BLTP3A: variants seen among roughly 807,000 people sequenced by gnomAD.
BLTP3A encodes the protein ICBP90 binding protein 1.
the BLTP3A span, chr6:34,834,418 A>G: frequency 6.2e-7 from 1 of 1,612,154 alleles, no homozygotes; most frequent in Non-Finnish European, 8.5e-7. Flanking sequence ...TGACAGCCCC[A>G]TCATTGTGAA....
At chr6:34,825,300 CTTTTTTCTTTT>C in the BLTP3A span, among the ~76,000 whole-genome samples, 19 of 151,278 alleles carry the variant, frequency 1.3e-4, no homozygotes, top group African/African-American at 3.6e-4. Context: ...GGCCTCTTTT[CTTTTTTCTTTT>C]TTTTTTCTTT....
At chr6:34,812,046 A>C in the BLTP3A span, among the ~76,000 whole-genome samples, 1 of 151,514 alleles carries the variant, frequency 6.6e-6, no homozygotes, top group Non-Finnish European at 1.5e-5. Flanking sequence ...AAAAAGAGTT[A>C]AGCCAGGCAC....
At chr6:34,858,824 C>T in the BLTP3A span, 192 of 1,614,100 alleles carry the variant, frequency 1.2e-4, no homozygotes, top group South Asian at 1.3e-3. Flanking sequence ...GTACATTCCC[C>T]GGCCCATGTC....
At chr6:34,868,076 G>A in the BLTP3A span, among the ~76,000 whole-genome samples, 66 of 152,174 alleles carry the variant, frequency 4.3e-4, no homozygotes, top group African/African-American at 1.4e-3. Context: ...GGAGGCTGAG[G>A]TGGGTGGATC....
At chr6:34,815,362 G>C in the BLTP3A span, among the ~76,000 whole-genome samples, 1 of 151,908 alleles carries the variant, frequency 6.6e-6, no homozygotes, top group Admixed American at 6.6e-5. Context: ...TGATTCTCCT[G>C]CCTCAGCCTC....
At chr6:34,845,716 C>G in the BLTP3A span, among the ~76,000 whole-genome samples, 1 of 152,058 alleles carries the variant, frequency 6.6e-6, no homozygotes, top group Non-Finnish European at 1.5e-5. Flanking sequence ...CCTGCCTCAG[C>G]CTCCTGAGTA....
At chr6:34,835,223 T>G in the BLTP3A span, 1 of 1,521,342 alleles carries the variant, frequency 6.6e-7, no homozygotes, top group East Asian at 2.3e-5. Flanking sequence ...TGAAACTGAT[T>G]GGGCAACAGT....
chr6:34,859,744 C>T, the BLTP3A span, among the ~76,000 whole-genome samples: 1 of 152,112 alleles, frequency 6.6e-6, no homozygotes, highest in Admixed American at 6.6e-5. Flanking sequence ...TTTATTGCTT[C>T]TTAGAATCAG....
At chr6:34,858,902 A>G in the BLTP3A span, 31 of 1,614,032 alleles carry the variant, frequency 1.9e-5, 1 homozygote, top group Middle Eastern at 3.3e-4. Context: ...CAGAGGCTTC[A>G]GGAGCAGCTG....
the BLTP3A span, among the ~76,000 whole-genome samples, chr6:34,806,482 C>T: frequency 6.6e-6 from 1 of 152,188 alleles, no homozygotes; most frequent in Non-Finnish European, 1.5e-5. Context: ...TCATTTTGCA[C>T]AGTCTTTGCC....
the BLTP3A span, chr6:34,834,625 G>C: frequency 1.3e-6 from 2 of 1,485,910 alleles, no homozygotes; most frequent in Non-Finnish European, 1.8e-6. Context: ...GAGAGTGCTG[G>C]GAGTCTCTGC....
chr6:34,816,165 C>G, the BLTP3A span, among the ~76,000 whole-genome samples: 64 of 152,272 alleles, frequency 4.2e-4, no homozygotes, highest in Non-Finnish European at 7.6e-4. Context: ...ATACTTAGCA[C>G]TTACTTAGTA....
At chr6:34,856,266 A>T in the BLTP3A span, 1 of 1,614,106 alleles carries the variant, frequency 6.2e-7, no homozygotes, top group Non-Finnish European at 8.5e-7. Flanking sequence ...TGGGTACGCC[A>T]CTGTGAGGCC....
At chr6:34,871,173 C>A in the BLTP3A span, 1 of 1,553,706 alleles carries the variant, frequency 6.4e-7, no homozygotes, top group Non-Finnish European at 8.7e-7. Flanking sequence ...TTGCCCTGGA[C>A]TTTGTCAAGC....
chr6:34,858,433 C>G, the BLTP3A span: 1 of 1,614,184 alleles, frequency 6.2e-7, no homozygotes, highest in Non-Finnish European at 8.5e-7. Flanking sequence ...TTCCTGGGAT[C>G]TCTGGTCTGT....
chr6:34,872,288 CTGTTAACTACTTAT>C, the BLTP3A span: 1 of 1,590,890 alleles, frequency 6.3e-7, no homozygotes, highest in Non-Finnish European at 8.5e-7. Context: ...CCGTATTTAA[CTGTTAACTACTTAT>C]TGTTCCTCAG....
chr6:34,868,849 C>T, the BLTP3A span, among the ~76,000 whole-genome samples: 1 of 151,744 alleles, frequency 6.6e-6, no homozygotes. Context: ...TATAATTGCA[C>T]CACTGCACTC....
the BLTP3A span, among the ~76,000 whole-genome samples, chr6:34,832,252 C>G: frequency 6.6e-6 from 1 of 151,930 alleles, no homozygotes; most frequent in Admixed American, 6.6e-5. Flanking sequence ...TCCCAAGTTG[C>G]TGGGACCAAA....
chr6:34,851,326 T>A, the BLTP3A span, among the ~76,000 whole-genome samples: 3 of 152,208 alleles, frequency 2.0e-5, no homozygotes, highest in Non-Finnish European at 4.4e-5. Flanking sequence ...TATTGTGATC[T>A]AAATTTTTGG....
Sources: gnomAD v4.1 joint callset for allele counts (sites outside exome capture counted in the v4.1 genomes callset) on GRCh38, gnomAD v4.1.1 for gene constraint, MANE v1.5 for transcripts, NCBI Gene and HGNC (gene_info 2026-07-23, HGNC 2026-07-21) for gene names.